CCDC171: variants seen among roughly 807,000 people sequenced by gnomAD.
The protein encoded by CCDC171 is coiled-coil domain containing 171, also known as coiled-coil domain-containing protein 171.
CCDC171 carries 177 observed loss-of-function variants against 168.2 expected under a neutral mutation model. The ratio of observed to expected loss-of-function variants is 1.05; its 90% CI spans 0.93 to 1.19. CCDC171 has a LOEUF of 1.19. CCDC171 is among the 50% of genes most tolerant of loss of function. CCDC171 has a pLI of 0.00. For synonymous variants in CCDC171, 687 were observed against 540.8 expected (o/e 1.27, Z -3.75); for missense variants, 1,991 against 1,539.0 (o/e 1.29, Z -4.91).
At chr9:15,681,355 C>G (rs1369819873) in intron 10 of CCDC171, among the ~76,000 whole-genome samples, 1 of 152,102 alleles carries the variant, frequency 6.6e-6, no homozygotes, top group East Asian at 1.9e-4. Flanking sequence ...TGATGTGGCT[C>G]AGACTGTTAA....
intron 5 of CCDC171, 74 bp downstream of exon 5, chr9:15,591,630 ATC>A: frequency 1.2e-6 from 1 of 854,634 alleles, no homozygotes; most frequent in Non-Finnish European, 1.8e-6. Flanking sequence ...ACTTGAAGTT[ATC>A]CTGGATTTCC....
At position 15,879,411 on chromosome 9, in the gene CCDC171, C is replaced by T. The variant is rs116634246; in HGVS notation, c.3600+4748C>T. ...AATCAGGGTAATTTGGTTATCTGTC[C>T]CCTCGAATGCTTTTCTTTATGTTGG... is the stretch of plus-strand genomic sequence containing the variant. On this transcript the variant is annotated intron_variant, in intron 24 of 25. Transcript: ENST00000380701. Among the ~76,000 whole-genome samples, 1,468 of 151,906 alleles carry T rather than the reference C, an allele frequency of 9.7e-3. 26 individuals carry two copies. The highest frequency in any genetic ancestry group is 0.034 in the African/African-American group (1,399 of 41,412).
downstream of CCDC171, among the ~76,000 whole-genome samples, chr9:15,978,242 T>G (rs191853032): frequency 3.3e-5 from 5 of 152,342 alleles, no homozygotes; most frequent in East Asian, 9.6e-4. Flanking sequence ...AGTATTAGTC[T>G]AAATATGTGC....
At chr9:15,984,804 C>A (rs547062300) in intron 3 of CCDC171, among the ~76,000 whole-genome samples, 98 of 152,166 alleles carry the variant, frequency 6.4e-4, no homozygotes, top group African/African-American at 2.3e-3. Flanking sequence ...CTAAGTCTCA[C>A]AACAGAGCAG....
At chr9:15,569,451 A>G (rs2040021817) in intron 2 of CCDC171, among the ~76,000 whole-genome samples, 1 of 152,224 alleles carries the variant, frequency 6.6e-6, no homozygotes, top group African/African-American at 2.4e-5. Flanking sequence ...AATGTTATAA[A>G]TTTATTGTTT....
At chr9:15,956,491 T>G (rs1259917591) in intron 25 of CCDC171, among the ~76,000 whole-genome samples, 1 of 152,182 alleles carries the variant, frequency 6.6e-6, no homozygotes, top group Non-Finnish European at 1.5e-5. Flanking sequence ...CAAATGTAGG[T>G]TTCCGAAGGC....
intron 24 of CCDC171, among the ~76,000 whole-genome samples, chr9:15,876,740 C>CT (rs970252097): frequency 2.3e-4 from 34 of 150,734 alleles, no homozygotes; most frequent in African/African-American, 5.6e-4. Context: ...CTAATTTCAC[C>CT]TTTTTTTTTG....
chr9:15,729,559 AAGAAATAGCTTGTG>A, intron 15 of CCDC171, 37 bp from the exon 16 acceptor site: 1 of 1,254,950 alleles, frequency 8.0e-7, no homozygotes, highest in Non-Finnish European at 1.1e-6. Flanking sequence ...AGATGACACA[AAGAAATAGCTTGTG>A]AGCATATTTC....
chr9:15,666,382 A>T (rs994520986), intron 9 of CCDC171, 59 bp downstream of exon 9: 23 of 1,228,262 alleles, frequency 1.9e-5, no homozygotes, highest in Non-Finnish European at 2.6e-5. Flanking sequence ...AGAGCTATAT[A>T]AAATATGAAT....
chr9:15,785,599 C>G (rs1397054344), intron 21 of CCDC171, among the ~76,000 whole-genome samples: 4 of 152,070 alleles, frequency 2.6e-5, no homozygotes, highest in African/African-American at 9.7e-5. Context: ...AGGTACTCCT[C>G]ACACAAACTG....
intron 11 of CCDC171, among the ~76,000 whole-genome samples, chr9:15,702,687 G>A (rs1362023105): frequency 6.6e-6 from 1 of 152,138 alleles, no homozygotes; most frequent in East Asian, 1.9e-4. Flanking sequence ...CTGTTGTTTA[G>A]TGTAGCTACC....
rs1831441525 is a variant in CCDC171, at chr9:15,972,408, GAGA to G, written c.*575_*577del. The G allele has an allele frequency of 6.5e-6, 1 of 152,840 alleles. No homozygotes were observed. 9.5% of individuals were successfully genotyped at this position (152,840 alleles called of 1,614,324 possible). ...CAATAATGTCACTCCTGGTCAATGTGAGAAGGTCAGGTTGCTCCTTGTAAAGCT... is the reference window on the plus strand; with the variant it reads ...CAATAATGTCACTCCTGGTCAATGTGAGGTCAGGTTGCTCCTTGTAAAGCT... On this transcript the variant is annotated 3_prime_UTR_variant, in exon 26 of 26. Transcript: ENST00000380701.
At chr9:15,881,001 G>C (rs775121724) in intron 24 of CCDC171, among the ~76,000 whole-genome samples, 1 of 152,126 alleles carries the variant, frequency 6.6e-6, no homozygotes, top group Non-Finnish European at 1.5e-5. Context: ...CTAGCTACTT[G>C]ACAGGTATAG....
chr9:15,823,850 A>G (rs1465254067), intron 21 of CCDC171, among the ~76,000 whole-genome samples: 1 of 152,100 alleles, frequency 6.6e-6, no homozygotes, highest in Non-Finnish European at 1.5e-5. Context: ...TGTATATTAG[A>G]AGAAGATTTA....
chr9:15,640,410 C>T (rs1235188912), intron 7 of CCDC171, among the ~76,000 whole-genome samples: 1 of 152,032 alleles, frequency 6.6e-6, no homozygotes, highest in African/African-American at 2.4e-5. Context: ...ACACCACCTT[C>T]AAATTAGAAT....
the CCDC171 span, among the ~76,000 whole-genome samples, chr9:16,105,075 T>C: frequency 1.3e-5 from 2 of 152,170 alleles, no homozygotes; most frequent in African/African-American, 4.8e-5. Context: ...TTCCCTCCCA[T>C]TTGCTTGCCA....
chr9:15,557,301 G>A (rs1422317131), intron 1 of CCDC171, among the ~76,000 whole-genome samples: 1 of 152,086 alleles, frequency 6.6e-6, no homozygotes, highest in Non-Finnish European at 1.5e-5. Context: ...GCTTGATGGG[G>A]ATGGCACTGA....
chr9:15,949,841 T>C (rs1417097920), intron 25 of CCDC171, among the ~76,000 whole-genome samples: 2 of 152,142 alleles, frequency 1.3e-5, no homozygotes, highest in African/African-American at 4.8e-5. Flanking sequence ...TCTAACACTA[T>C]GTTGAATAGG....
intron 21 of CCDC171, among the ~76,000 whole-genome samples, chr9:15,820,771 G>A (rs189531224): frequency 8.5e-6 from 1 of 117,496 alleles, no homozygotes; most frequent in East Asian, 2.1e-4. Context: ...GGAGGAGCTG[G>A]TACCATTCCT....
Sources: gnomAD v4.1 joint callset for allele counts (sites outside exome capture counted in the v4.1 genomes callset) on GRCh38, gnomAD v4.1.1 for gene constraint, MANE v1.5 for transcripts, NCBI Gene and HGNC (gene_info 2026-07-23, HGNC 2026-07-21) for gene names.